The following MEIKIN variants were observed in gnomAD, a reference collection of about 807,000 sequenced individuals.
MEIKIN encodes meiosis-specific kinetochore protein.
rs1289244967 is a variant in MEIKIN at position 131,851,383 on chromosome 5, T to C, written c.856A>G (p.Ile286Val). The change falls in exon 11 of 13, where the codon ATT becomes GTT. Residue 286 changes from isoleucine (I) to valine (V), a missense_variant and splice_region_variant. Ile to Val is a conservative substitution (Grantham distance 29, BLOSUM62 3). Transcript: ENST00000442687. ...GCTTTTTGCACTGAGGACAAATCAA[T>C]CTATAAAAGAATACATTATTGTTTT... ...TPSSETAGFV[I>V]DLSSVQKASF... The C allele has an allele frequency of 2.5e-6, 1 of 397,780 alleles. No homozygotes were observed. The highest frequency in any genetic ancestry group is 4.4e-6 in the Non-Finnish European group (1 of 225,374). The allele number at this position is 397,780 out of a possible 1,614,324, so 24.6% of individuals were successfully genotyped here. A position where few individuals can be genotyped will look rare whatever the true frequency, so the allele number is the denominator to read the frequency against.
intron 11 of MEIKIN, among the ~76,000 whole-genome samples, chr5:131,844,123 G>A (rs1157457938): frequency 1.3e-5 from 2 of 152,124 alleles, no homozygotes; most frequent in Middle Eastern, 3.4e-3. Flanking sequence ...ACTAGATCTC[G>A]TGAGCATTCA....
At chr5:131,860,042 T>G (rs1449647257) in intron 9 of MEIKIN, among the ~76,000 whole-genome samples, 1 of 152,236 alleles carries the variant, frequency 6.6e-6, no homozygotes, top group Non-Finnish European at 1.5e-5. Flanking sequence ...CTGGATCTTT[T>G]TTGGTTCCAT....
chr5:131,927,835 T>C (rs1202214382), intron 5 of MEIKIN, among the ~76,000 whole-genome samples: 3 of 152,136 alleles, frequency 2.0e-5, no homozygotes, highest in African/African-American at 7.2e-5. Flanking sequence ...CCATTTTTAG[T>C]GTATGTATCC....
intron 11 of MEIKIN, among the ~76,000 whole-genome samples, chr5:131,849,694 A>G (rs1280505693): frequency 6.6e-6 from 1 of 151,548 alleles, no homozygotes; most frequent in Non-Finnish European, 1.5e-5. Context: ...ATGAACGAAT[A>G]CAGCCATATA....
At chr5:131,942,326 T>G (rs1265435588) in intron 4 of MEIKIN, among the ~76,000 whole-genome samples, 1 of 152,228 alleles carries the variant, frequency 6.6e-6, no homozygotes, top group Non-Finnish European at 1.5e-5. Context: ...CATAGTTAAT[T>G]TCTACTCTCC....
intron 11 of MEIKIN, among the ~76,000 whole-genome samples, chr5:131,849,265 TAA>T (rs1236039480): frequency 2.0e-5 from 3 of 151,880 alleles, no homozygotes; most frequent in African/African-American, 7.3e-5. Flanking sequence ...TCTTGTTGTT[TAA>T]AAGTGTGTGG....
chr5:131,882,606 A>G (rs1244604124), intron 8 of MEIKIN, among the ~76,000 whole-genome samples: 1 of 152,248 alleles, frequency 6.6e-6, no homozygotes, highest in Non-Finnish European at 1.5e-5. Context: ...AAAAAAATAT[A>G]TATCTGATCA....
At chr5:131,896,515 T>C (rs2149636958) in intron 8 of MEIKIN, among the ~76,000 whole-genome samples, 1 of 152,332 alleles carries the variant, frequency 6.6e-6, no homozygotes, top group East Asian at 1.9e-4. Context: ...TGTGGGAGTC[T>C]AAGTCTCTTT....
intron 11 of MEIKIN, among the ~76,000 whole-genome samples, chr5:131,827,508 G>T (rs1213973507): frequency 6.6e-6 from 1 of 152,008 alleles, no homozygotes; most frequent in African/African-American, 2.4e-5. Flanking sequence ...GCTATGAGAA[G>T]GTTGAAAATA....
chr5:131,922,998 T>G (rs554764131), intron 5 of MEIKIN, among the ~76,000 whole-genome samples: 2 of 152,304 alleles, frequency 1.3e-5, no homozygotes, highest in East Asian at 1.9e-4. Flanking sequence ...TTTAAGTGAT[T>G]CTCCTGCCTC....
At chr5:131,833,503 C>T (rs746925618) in intron 11 of MEIKIN, among the ~76,000 whole-genome samples, 15 of 152,172 alleles carry the variant, frequency 9.9e-5, no homozygotes, top group Non-Finnish European at 2.2e-4. Flanking sequence ...TACCCAGTTC[C>T]AAAGTTGCTT....
chr5:131,895,151 G>A (rs1002101105), intron 8 of MEIKIN, among the ~76,000 whole-genome samples: 3 of 152,102 alleles, frequency 2.0e-5, no homozygotes, highest in Non-Finnish European at 2.9e-5. Context: ...ATAATCATGT[G>A]GTTTTTGTCT....
rs568134752 is a variant in MEIKIN, at chr5:131,866,262, TG to T, written c.775-11429del. On this transcript the variant is annotated intron_variant, in intron 9 of 12. Coordinates refer to ENST00000442687, the MANE Select transcript of MEIKIN (RefSeq NM_001303622.2). ...GTGGTAGTGGCAGGTTGATTGAGCC[TG>T]ATCTCAGACCCTGGGAAGAGTGCTC... Among the ~76,000 whole-genome samples, 253 of 152,328 alleles carry T rather than the reference TG, an allele frequency of 1.7e-3. 1 individual carries two copies. Among genetic ancestry groups the T allele is most frequent in the Non-Finnish European group, 1.8e-3 (123 of 68,014 alleles).
At chr5:131,921,998 G>A (rs939971359) in intron 5 of MEIKIN, 57 bp from the exon 6 acceptor site, 15 of 397,798 alleles carry the variant, frequency 3.8e-5, no homozygotes, top group Non-Finnish European at 5.8e-5. Context: ...ACAAATGATG[G>A]GTTACTCCCT....
chr5:131,938,420 G>A (rs577291989), intron 4 of MEIKIN, among the ~76,000 whole-genome samples: 187 of 152,010 alleles, frequency 1.2e-3, no homozygotes, highest in African/African-American at 4.4e-3. Flanking sequence ...CACCCGCCTC[G>A]GCCTCCCAAA....
chr5:131,861,436 T>C (rs1750284204), intron 9 of MEIKIN, among the ~76,000 whole-genome samples: 1 of 151,934 alleles, frequency 6.6e-6, no homozygotes, highest in African/African-American at 2.4e-5. Context: ...TCAATTTGAG[T>C]TCCTCTTTTA....
intron 8 of MEIKIN, among the ~76,000 whole-genome samples, chr5:131,889,967 C>A (rs1019475658): frequency 5.3e-5 from 8 of 152,168 alleles, no homozygotes; most frequent in African/African-American, 1.7e-4. Flanking sequence ...CTATTGAGAT[C>A]ATCATGTGGT....
chr5:131,854,030 T>C (rs978539763), intron 10 of MEIKIN, among the ~76,000 whole-genome samples: 2 of 152,186 alleles, frequency 1.3e-5, no homozygotes, highest in African/African-American at 4.8e-5. Context: ...CTCAAACATA[T>C]ATTTGTACAC....
chr5:131,888,443 C>A (rs1750841572), intron 8 of MEIKIN, among the ~76,000 whole-genome samples: 1 of 152,154 alleles, frequency 6.6e-6, no homozygotes, highest in Non-Finnish European at 1.5e-5. Context: ...TTTCGATTTG[C>A]ATTTCTCTGA....
Sources: gnomAD v4.1 joint callset for allele counts (sites outside exome capture counted in the v4.1 genomes callset) on GRCh38, gnomAD v4.1.1 for gene constraint, MANE v1.5 for transcripts, NCBI Gene and HGNC (gene_info 2026-07-23, HGNC 2026-07-21) for gene names.